ALK: variants seen among roughly 807,000 people sequenced by gnomAD.
ALK encodes ALK receptor tyrosine kinase.
In ALK, 74 loss-of-function variants were observed where a neutral mutation model predicts 163.1. The ratio of observed to expected loss-of-function variants is 0.45; its 90% CI spans 0.38 to 0.55. ALK has a LOEUF of 0.55. ALK is among the 20% of genes least tolerant of loss of function. The pLI is 0.00. For synonymous variants in ALK, 960 were observed against 843.2 expected, an observed-to-expected ratio of 1.14 and a Z score of -2.40; for missense variants, 2,063 against 2,105.3, an observed-to-expected ratio of 0.98 and a Z score of 0.39.
At position 29,364,276 on chromosome 2, in the gene ALK, G is replaced by C. The variant is rs535853698; in HGVS notation, c.1282+19456C>G. On this transcript the variant is annotated intron_variant, in intron 5 of 28. Transcript: ENST00000389048. The stretch of plus-strand genomic sequence containing the variant: ...CACCTGGAATGGCTGAGAGGCTTTG[G>C]TTGCTGTTGTTTCTCTGTCCCCTCC... Among the ~76,000 whole-genome samples the C allele has an allele frequency of 7.9e-5, 12 of 152,268 alleles. No individual in the cohort carries two copies. In the South Asian group the frequency reaches 2.5e-3, roughly 32 times the overall value.
chr2:29,860,102 GAC>G (rs1174255538), intron 1 of ALK, among the ~76,000 whole-genome samples: 1 of 152,188 alleles, frequency 6.6e-6, no homozygotes, highest in Non-Finnish European at 1.5e-5. Context: ...TTCCAAATAA[GAC>G]ACACAAAGAC....
Position 29,739,240 on chromosome 2 carries a change from TAAAAAAAAAA to T in ALK, c.668-21553_668-21544del, listed in dbSNP as rs57381961. Among the ~76,000 whole-genome samples the T allele has an allele frequency of 4.1e-3, 164 of 40,334 alleles. 2 individuals carry two copies. The highest frequency in any genetic ancestry group is 5.7e-3 in the Non-Finnish European group (135 of 23,852). The allele number at this position is 40,334 out of a possible 152,430, so 26.5% of individuals were successfully genotyped here. A position where few individuals can be genotyped will look rare whatever the true frequency, so the allele number is the denominator to read the frequency against. On this transcript the variant is annotated intron_variant, in intron 1 of 28. Coordinates refer to ENST00000389048, the MANE Select transcript of ALK (RefSeq NM_004304.5). ...GGCAACAGGGCAAGACAGTCTCTCT[TAAAAAAAAAA>T]AAAAAAAAAAAAAAAAAAAGAACAT...
chr2:29,392,315 C>T (rs550883474), intron 4 of ALK, among the ~76,000 whole-genome samples: 3 of 152,278 alleles, frequency 2.0e-5, no homozygotes, highest in East Asian at 1.9e-4. Flanking sequence ...TAGGAGGCAA[C>T]GTGAACCCAA....
In ALK at chr2:29,831,275, G is replaced by GAAGAAT. The variant is rs1489561091; in HGVS notation, c.667+88717_667+88718insATTCTT. Among the ~76,000 whole-genome samples the GAAGAAT allele has an allele frequency of 2.1e-4, 23 of 110,868 alleles. 8 individuals carry two copies. The East Asian group carries it at 4.9e-3, about 24-fold the overall frequency. 72.7% of individuals were successfully genotyped at this position (110,868 alleles called of 152,430 possible). ...AGAGGAAGAGGAAGAAGAAGAAGAA[G>GAAGAAT]AAGAAGAAGAAGAAGAAGAAGAAGA... On this transcript the variant is annotated intron_variant, in intron 1 of 28. Coordinates refer to ENST00000389048, the MANE Select transcript of ALK (RefSeq NM_004304.5).
At chr2:29,642,877 A>G (rs1318390722) in intron 3 of ALK, among the ~76,000 whole-genome samples, 1 of 152,228 alleles carries the variant, frequency 6.6e-6, no homozygotes, top group Non-Finnish European at 1.5e-5. Flanking sequence ...TTCAGTAACT[A>G]TCATTTAGTC....
At chr2:29,580,645 C>T (rs922045660) in intron 3 of ALK, among the ~76,000 whole-genome samples, 1 of 152,156 alleles carries the variant, frequency 6.6e-6, no homozygotes, top group Non-Finnish European at 1.5e-5. Context: ...CATGTGGCAC[C>T]GATCATGTAG....
intron 3 of ALK, among the ~76,000 whole-genome samples, chr2:29,610,571 C>T (rs555947169): frequency 4.6e-5 from 7 of 152,138 alleles, no homozygotes; most frequent in South Asian, 2.1e-4. Flanking sequence ...TTCCAAGCAG[C>T]GGCAGATAGG....
At chr2:29,624,001 G>A (rs1229264849) in intron 3 of ALK, among the ~76,000 whole-genome samples, 2 of 152,152 alleles carry the variant, frequency 1.3e-5, no homozygotes, top group African/African-American at 2.4e-5. Context: ...AGCTGAAACT[G>A]TATTTCTGCT....
intron 2 of ALK, among the ~76,000 whole-genome samples, chr2:29,701,582 T>G (rs1678737215): frequency 6.6e-6 from 1 of 152,186 alleles, no homozygotes; most frequent in African/African-American, 2.4e-5. Context: ...TATTATGAAG[T>G]AAAGCTGGAG....
intron 4 of ALK, among the ~76,000 whole-genome samples, chr2:29,412,533 A>G (rs1458891969): frequency 6.6e-6 from 1 of 152,176 alleles, no homozygotes; most frequent in Non-Finnish European, 1.5e-5. Flanking sequence ...TCAGGCATCC[A>G]TTTCCAGAAT....
chr2:29,299,474 A>G (rs1666304711), intron 8 of ALK, among the ~76,000 whole-genome samples: 1 of 152,242 alleles, frequency 6.6e-6, no homozygotes, highest in Non-Finnish European at 1.5e-5. Context: ...TCTGAATTCA[A>G]AACCTGTTTT....
Position 29,212,908 on chromosome 2 carries a change from T to C in ALK, c.3743+1076A>G, listed in dbSNP as rs568676377. The stretch of plus-strand genomic sequence containing the variant: ...TTAGTAGACATGGGGTTGCTCCATG[T>C]TGGTCAGGCTGGTCTCGAACTCCCA... On this transcript the variant is annotated intron_variant, in intron 24 of 28. Transcript: ENST00000389048. Among the ~76,000 whole-genome samples the C allele has an allele frequency of 3.9e-5, 6 of 152,310 alleles. No homozygotes were observed. In the East Asian group the frequency reaches 1.2e-3, roughly 29 times the overall value.
intron 5 of ALK, among the ~76,000 whole-genome samples, chr2:29,367,326 A>G (rs1458426337): frequency 6.6e-6 from 1 of 152,210 alleles, no homozygotes; most frequent in Non-Finnish European, 1.5e-5. Flanking sequence ...GGGAGCAGTC[A>G]AAGAAACAAC....
chr2:29,488,766 G>A (rs1299945890), intron 4 of ALK, among the ~76,000 whole-genome samples: 1 of 152,210 alleles, frequency 6.6e-6, no homozygotes, highest in Non-Finnish European at 1.5e-5. Context: ...GGAATACCAG[G>A]TAGGCTTAGC....
chr2:29,286,144 G>T (rs373296681), intron 9 of ALK, among the ~76,000 whole-genome samples: 7 of 152,256 alleles, frequency 4.6e-5, no homozygotes, highest in African/African-American at 1.7e-4. Flanking sequence ...GACTGCTCCT[G>T]TATCTGGACG....
chr2:29,703,042 C>T (rs1464127986), intron 2 of ALK, among the ~76,000 whole-genome samples: 1 of 152,198 alleles, frequency 6.6e-6, no homozygotes. Flanking sequence ...CTGTGGCCAT[C>T]AGGATGTATC....
chr2:29,219,310 A>G (rs1182581339), intron 23 of ALK, among the ~76,000 whole-genome samples: 1 of 152,182 alleles, frequency 6.6e-6, no homozygotes, highest in Non-Finnish European at 1.5e-5. Flanking sequence ...TATTCTTCTT[A>G]GATACTGAGA....
intron 20 of ALK, among the ~76,000 whole-genome samples, chr2:29,222,895 CAG>C (rs1669845367): frequency 1.3e-5 from 2 of 152,298 alleles, no homozygotes; most frequent in Non-Finnish European, 2.9e-5. Context: ...GCCAGGGACA[CAG>C]GGGTGCATAA....
chr2:29,768,713 C>CTATGTGTG (rs149394341), intron 1 of ALK, among the ~76,000 whole-genome samples: 65,918 of 142,664 alleles, frequency 0.46, 17,395 homozygotes, highest in Non-Finnish European at 0.61. Flanking sequence ...TTATATATGT[C>CTATGTGTG]TGTGTGTGTG....
Sources: allele counts gnomAD v4.1 joint callset (sites outside exome capture counted in the v4.1 genomes callset), GRCh38; gene constraint gnomAD v4.1.1; transcripts MANE v1.5; gene names NCBI Gene and HGNC (gene_info 2026-07-23, HGNC 2026-07-21).